HRC: variants seen among roughly 807,000 people sequenced by gnomAD.
HRC encodes histidine rich calcium binding protein, also known as sarcoplasmic reticulum histidine-rich calcium-binding protein.
Under a neutral mutation model 61.4 loss-of-function variants are expected in HRC, and 41 were observed. The observed-to-expected ratio is 0.67, with a 90% CI of 0.52 to 0.87. The LOEUF (loss-of-function observed/expected upper bound fraction) is 0.87. Ranked by LOEUF, HRC falls within the 40% of genes least tolerant of loss-of-function variation. The probability of loss-of-function intolerance (pLI) is 0.00; values close to 1 mark genes in which losing one functional copy is unlikely to be tolerated. For synonymous variants in HRC, 308 were observed against 326.6 expected, an observed-to-expected ratio of 0.94 and a Z score of 0.62; for missense variants, 839 against 885.8, an observed-to-expected ratio of 0.95 and a Z score of 0.67.
chr19:49,155,185 G>T lies in HRC; in HGVS notation c.53C>A (p.Ala18Asp). The change falls in exon 1 of 6, where the codon GCC becomes GAC. Residue 18 changes from alanine to aspartate, a missense_variant. Ala to Asp is a moderately radical substitution (Grantham distance 126). Coordinates refer to ENST00000252825, the MANE Select transcript of HRC (RefSeq NM_002152.3). The surrounding 1 kb of genome is among the most constrained non-coding windows in gnomAD (Gnocchi z 4.7). Reference sequence around the variant, plus strand: ...CATGGCCGGGGGGAGGAGCAGGCTGGCCACCCCAGCCCAGAGGACAGAAGC... The same window carrying T: ...CATGGCCGGGGGGAGGAGCAGGCTGTCCACCCCAGCCCAGAGGACAGAAGC... ...LHASVLWAGV[A>D]SLLLPPAMTQ... 6.2e-7 allele frequency: 1 copy of T among 1,612,798 alleles called. No individual in the cohort carries two copies. The highest frequency in any genetic ancestry group is 8.5e-7 in the Non-Finnish European group (1 of 1,179,950).
Position 49,151,341 on chromosome 19 carries a change from G to A in HRC, c.2064-9C>T, listed in dbSNP as rs778263658. ...GCATGTCTGCCAGGGCCCTGGAGAC[G>A]AGAACGCCAGAAGTTAGACAGCTGG... On this transcript the variant is annotated splice_polypyrimidine_tract_variant and intron_variant, in intron 5 of 5. Coordinates refer to ENST00000252825, the MANE Select transcript of HRC (RefSeq NM_002152.3). 8 of 1,555,900 alleles carry A rather than the reference G, an allele frequency of 5.1e-6. No homozygotes were observed. The African/African-American group carries it at 9.5e-5, about 19-fold the overall frequency.
At position 49,151,295 on chromosome 19, in the gene HRC, G is replaced by A. The variant is rs368119832; in HGVS notation, c.*1C>T. On this transcript the variant is annotated 3_prime_UTR_variant, in exon 6 of 6. Coordinates refer to ENST00000252825, the MANE Select transcript of HRC (RefSeq NM_002152.3). The stretch of plus-strand genomic sequence containing the variant: ...ACCTGCGTCGCAGTCGAGCGACTGG[G>A]TCAGGGTTCCGGCGTTTCCAGCATG... 9 of 1,555,998 alleles carry A rather than the reference G, an allele frequency of 5.8e-6. No individual in the cohort carries two copies. Among genetic ancestry groups the A allele is most frequent in the Non-Finnish European group, 7.8e-6 (9 of 1,148,574 alleles).
At chr19:49,151,649 C>A in intron 4 of HRC, 96 bp from the exon 5 acceptor site, 1 of 1,058,120 alleles carries the variant, frequency 9.5e-7, no homozygotes, top group Admixed American at 2.0e-5. Context: ...CTAGCTCCAC[C>A]TCCTTTTCCC....
rs1174378601 is a variant in HRC at position 49,154,031 on chromosome 19, C to T, written c.1207G>A (p.Glu403Lys). 6.2e-7 allele frequency: 1 copy of T among 1,614,146 alleles called. No individual in the cohort carries two copies. The highest frequency in any genetic ancestry group is 1.1e-5 in the South Asian group (1 of 91,080). Residue 403 changes from glutamate (E) to lysine (K), a missense_variant, in exon 1 of 6, where the codon GAA (glutamate) becomes AAA (lysine). Coordinates refer to ENST00000252825, the MANE Select transcript of HRC (RefSeq NM_002152.3). ...SHQPRGHKSD[E>K]EDFQDEYKTE... ...TTATACTCATCTTGGAAGTCCTCTT[C>T]ATCACTCTTGTGGCCTCGAGGTTGG... is the stretch of plus-strand genomic sequence containing the variant.
At position 49,155,270 on chromosome 19, in the gene HRC, C is replaced by T. The variant is rs1290729364; in HGVS notation, c.-33G>A. 1.1e-5 allele frequency: 17 copies of T among 1,556,050 alleles called. No homozygotes were observed. Among genetic ancestry groups the T allele is most frequent in the Non-Finnish European group, 1.5e-5 (17 of 1,159,648 alleles). On this transcript the variant is annotated 5_prime_UTR_variant, in exon 1 of 6. Coordinates refer to ENST00000252825, the MANE Select transcript of HRC (RefSeq NM_002152.3). The surrounding 1 kb of genome is among the most constrained non-coding windows in gnomAD (Gnocchi z 4.7). Reference sequence around the variant, plus strand: ...GACAGGCAGCACTGGCTCCAGCTGCCTCTGCGGCAATGTGGACAAACGTTG... The same window carrying T: ...GACAGGCAGCACTGGCTCCAGCTGCTTCTGCGGCAATGTGGACAAACGTTG...
Position 49,154,735 on chromosome 19 carries a change from A to G in HRC, c.503T>C (p.Val168Ala), listed in dbSNP as rs1208565600. ...HSHQDEDEDE[V>A]VSSEHHHHIL... ...ATGATGGTGATGCTCACTGGACACA[A>G]CTTCATCCTCATCCTCGTCTTGATG... is the stretch of plus-strand genomic sequence containing the variant. Residue 168 changes from valine to alanine, a missense_variant, in exon 1 of 6, where the codon GTT becomes GCT. Val to Ala is a moderately conservative substitution (Grantham distance 64, BLOSUM62 0). Coordinates refer to ENST00000252825, the MANE Select transcript of HRC (RefSeq NM_002152.3). 1 of 1,613,016 alleles carries G rather than the reference A, an allele frequency of 6.2e-7. No individual in the cohort carries two copies. Among genetic ancestry groups the G allele is most frequent in the Admixed American group, 1.7e-5 (1 of 59,952 alleles).
Position 49,153,978 on chromosome 19 carries a change from G to A in HRC, c.1260C>T (p.His420=), listed in dbSNP as rs780699945. Residue 420 remains histidine, a synonymous_variant, in exon 1 of 6, where the codon CAC becomes CAT. Coordinates refer to ENST00000252825, the MANE Select transcript of HRC (RefSeq NM_002152.3). This position sits in a 1 kb window ranked among gnomAD's most constrained non-coding sequence, Gnocchi z 4.8. ...YKTEVPHHHH[H]RVPREEDEEV... ...CCTCATCTTCCTCCCTGGGGACTCTGTGGTGGTGATGGTGAGGGACTTCTG... is the reference window on the plus strand; with the variant it reads ...CCTCATCTTCCTCCCTGGGGACTCTATGGTGGTGATGGTGAGGGACTTCTG... 5.0e-6 allele frequency: 8 copies of A among 1,613,304 alleles called. No individual in the cohort carries two copies. The highest frequency in any genetic ancestry group is 6.8e-6 in the Non-Finnish European group (8 of 1,179,840).
intron 3 of HRC, 60 bp downstream of exon 3, chr19:49,152,250 C>T: frequency 1.3e-6 from 2 of 1,502,266 alleles, no homozygotes; most frequent in Non-Finnish European, 9.2e-7. Flanking sequence ...TGGGGGTCCT[C>T]AGAGGGTCCC....
Position 49,154,325 on chromosome 19 carries a change from T to TCATCATC in HRC, c.912_913insGATGATG (p.Asn305AspfsTer4), listed in dbSNP as rs770772125. ...TCAGTGGAGACATCATCATCATCAT[T>TCATCATC]GTCATCTTCTTCATGGCTTCGGTGC... On this transcript the variant is annotated frameshift_variant, in exon 1 of 6. Transcript: ENST00000252825. LOFTEE classifies it high-confidence loss of function. The TCATCATC allele has an allele frequency of 6.4e-7, 1 of 1,560,274 alleles. No individual in the cohort carries two copies. The highest frequency in any genetic ancestry group is 1.8e-5 in the African/African-American group (1 of 54,228).
chr19:49,155,053 T>C lies in HRC; in HGVS notation c.185A>G (p.His62Arg), dbSNP rs765287843. The C allele has an allele frequency of 6.2e-7, 1 of 1,614,176 alleles. No homozygotes were observed. Among genetic ancestry groups the C allele is most frequent in the South Asian group, 1.1e-5 (1 of 91,082 alleles). Reference protein sequence around the residue: ...EASAELRHHLHSPRDHPDENK... With the variant: ...EASAELRHHLRSPRDHPDENK... ...CTCATCTGGATGGTCTCTAGGGCTGTGGAGGTGGTGGCGAAGCTCTGCTGA... is the reference window on the plus strand; with the variant it reads ...CTCATCTGGATGGTCTCTAGGGCTGCGGAGGTGGTGGCGAAGCTCTGCTGA... Residue 62 changes from histidine to arginine, a missense_variant, in exon 1 of 6, where the codon CAC becomes CGC. Transcript: ENST00000252825. This position sits in a 1 kb window ranked among gnomAD's most constrained non-coding sequence, Gnocchi z 4.7.
At chr19:49,151,628 C>A in intron 4 of HRC, 75 bp from the exon 5 acceptor site, 2 of 1,294,214 alleles carry the variant, frequency 1.5e-6, no homozygotes, top group Non-Finnish European at 2.2e-6. Flanking sequence ...GTATAGCGTG[C>A]GAGATTAGTG....
rs2041382616 is a variant in HRC at position 49,153,554 on chromosome 19, G to C, written c.1684C>G (p.Leu562Val). 6.4e-7 allele frequency: 1 copy of C among 1,570,872 alleles called. No homozygotes were observed. The highest frequency in any genetic ancestry group is 1.2e-5 in the South Asian group (1 of 83,744). ...TCCTCCTCGCTGTGGTCTGGGCTCA[G>C]TGGGGCCCCAACCTCAGCCCTCTCT... is the stretch of plus-strand genomic sequence containing the variant. ...REERAEVGAPLSPDHSEEEEE... is the reference protein window; with the variant it reads ...REERAEVGAPVSPDHSEEEEE... Residue 562 changes from leucine (L) to valine (V), a missense_variant, in exon 1 of 6, where the codon CTG becomes GTG. Transcript: ENST00000252825. The surrounding 1 kb of genome is among the most constrained non-coding windows in gnomAD (Gnocchi z 4.8).
At position 49,153,881 on chromosome 19, in the gene HRC, C is replaced by T. The variant is rs77728314; in HGVS notation, c.1357G>A (p.Gly453Ser). The T allele has an allele frequency of 6.2e-4, 1,006 of 1,614,122 alleles. 5 individuals carry two copies. The African/African-American group carries it at 0.012, about 19-fold the overall frequency. Residue 453 changes from glycine to serine, a missense_variant, in exon 1 of 6, where the codon GGT (glycine) becomes AGT (serine). By Grantham distance (56) the Gly-to-Ser change is moderately conservative. Coordinates refer to ENST00000252825, the MANE Select transcript of HRC (RefSeq NM_002152.3). The surrounding 1 kb of genome is among the most constrained non-coding windows in gnomAD (Gnocchi z 4.8). The part of the protein sequence containing the change: ...QSHQDEETGH[G>S]QRGSIKEMSH... ...ATCTCTTTGATGGACCCTCTTTGAC[C>T]ATGGCCAGTTTCTTCATCTTGGTGG...
Position 49,151,984 on chromosome 19 carries a change from A to G in HRC, c.2026+20T>C, listed in dbSNP as rs775711491. ...CCCGGCACCTTCCTCAGGTTTTTCC[A>G]GGGCCCCGCCCATGCTCACCTGGAG... On this transcript the variant is annotated intron_variant, in intron 4 of 5. Transcript: ENST00000252825. The G allele has an allele frequency of 5.6e-6, 9 of 1,612,812 alleles. No individual in the cohort carries two copies. In the East Asian group the frequency reaches 1.6e-4, roughly 28 times the overall value.
intron 4 of HRC, 58 bp from the exon 5 acceptor site, chr19:49,151,611 C>T: frequency 4.0e-6 from 6 of 1,492,568 alleles, no homozygotes; most frequent in Non-Finnish European, 5.6e-6. Flanking sequence ...AATTAGGCAG[C>T]CACTCAGTAT....
rs538213421 is a variant in HRC, at chr19:49,152,813, C to T, written c.1903-435G>A. ...GTCTCGATCTCCTGACCTCGTGTTC[C>T]GCCCACCCTGGCCTCTTAAAGTGCT... On this transcript the variant is annotated intron_variant, in intron 2 of 5. Coordinates refer to ENST00000252825, the MANE Select transcript of HRC (RefSeq NM_002152.3). Among the ~76,000 whole-genome samples, 114 of 152,000 alleles carry T rather than the reference C, an allele frequency of 7.5e-4. 2 individuals are homozygous for T. Among genetic ancestry groups the T allele is most frequent in the African/African-American group, 2.6e-3 (108 of 41,440 alleles).
Position 49,153,542 on chromosome 19 carries a change from GGT to G in HRC, c.1694_1695del (p.Asp565AlafsTer16). On this transcript the variant is annotated frameshift_variant, in exon 1 of 6. Coordinates refer to ENST00000252825, the MANE Select transcript of HRC (RefSeq NM_002152.3). LOFTEE classifies it high-confidence loss of function. This position sits in a 1 kb window ranked among gnomAD's most constrained non-coding sequence, Gnocchi z 4.8. ...TCCTCCTCCTCTTCCTCCTCGCTGT[GGT>G]CTGGGCTCAGTGGGGCCCCAACCTC... ...RAEVGAPLSP[D>X]HSEEEEEEEE... 1 of 1,577,724 alleles carries G rather than the reference GGT, an allele frequency of 6.3e-7. No homozygotes were observed. Among genetic ancestry groups the G allele is most frequent in the Non-Finnish European group, 8.6e-7 (1 of 1,161,508 alleles).
chr19:49,151,853 G>T, intron 4 of HRC, 151 bp downstream of exon 4: 1 of 752,390 alleles, frequency 1.3e-6, no homozygotes, highest in Non-Finnish European at 2.2e-6. Flanking sequence ...CCTCGAGCCA[G>T]GCCCCGGCCC....
Position 49,155,166 on chromosome 19 carries a change from CG to C in HRC, c.71del (p.Pro24ArgfsTer3). ...WAGVASLLLP[P>X]AMTQQLRGDG... is the part of the protein sequence containing the mutation. ...CCCCTCTGAGCTGCTGGGTCATGGCCGGGGGGAGGAGCAGGCTGGCCACCCC... is the reference window on the plus strand; with the variant it reads ...CCCCTCTGAGCTGCTGGGTCATGGCCGGGGGAGGAGCAGGCTGGCCACCCC... On this transcript the variant is annotated frameshift_variant, in exon 1 of 6. Coordinates refer to ENST00000252825, the MANE Select transcript of HRC (RefSeq NM_002152.3). LOFTEE classifies it high-confidence loss of function. This position sits in a 1 kb window ranked among gnomAD's most constrained non-coding sequence, Gnocchi z 4.7. 1 of 1,613,458 alleles carries C rather than the reference CG, an allele frequency of 6.2e-7. No individual in the cohort carries two copies. The highest frequency in any genetic ancestry group is 2.2e-5 in the East Asian group (1 of 44,856).
Sources: gnomAD v4.1 joint callset for allele counts (sites outside exome capture counted in the v4.1 genomes callset) on GRCh38, gnomAD v4.1.1 for gene constraint, Gnocchi (gnomAD v3.1) non-coding constraint, MANE v1.5 for transcripts, NCBI Gene and HGNC (gene_info 2026-07-23, HGNC 2026-07-21) for gene names.